The following NCAM2 variants were observed in gnomAD, a reference collection of about 807,000 sequenced individuals.
The protein encoded by NCAM2 is neural cell adhesion molecule 2.
A neutral mutation model predicts 98.1 loss-of-function variants in NCAM2; 30 were observed. The ratio of observed to expected loss-of-function variants is 0.31; its 90% CI spans 0.23 to 0.41. NCAM2 has a LOEUF of 0.41. Among genes scored for constraint, NCAM2 ranks in the 10% least tolerant of loss-of-function variants. The probability of loss-of-function intolerance (pLI) is 1.00; values close to 1 mark genes in which losing one functional copy is unlikely to be tolerated. For synonymous variants in NCAM2, 368 were observed against 342.4 expected (o/e 1.07, Z -0.83); for missense variants, 867 against 1,005.8 (o/e 0.86, Z 1.87).
At chr21:21,324,846 C>A (rs2074471119) in intron 6 of NCAM2, among the ~76,000 whole-genome samples, 2 of 151,992 alleles carry the variant, frequency 1.3e-5, no homozygotes, top group African/African-American at 4.8e-5. Context: ...GTGTTATTGA[C>A]ACCACTGTCA....
intron 15 of NCAM2, among the ~76,000 whole-genome samples, chr21:21,488,497 A>G (rs1986580278): frequency 6.6e-6 from 1 of 152,142 alleles, no homozygotes; most frequent in South Asian, 2.1e-4. Flanking sequence ...AATTTTAAAT[A>G]TTAATATGGT....
intron 1 of NCAM2, among the ~76,000 whole-genome samples, chr21:21,065,983 G>A (rs1485081116): frequency 6.6e-6 from 1 of 152,148 alleles, no homozygotes; most frequent in Non-Finnish European, 1.5e-5. Flanking sequence ...GGTATATGCA[G>A]AACAGATGCC....
intron 1 of NCAM2, among the ~76,000 whole-genome samples, chr21:21,183,747 A>T (rs1223930971): frequency 6.6e-6 from 1 of 152,140 alleles, no homozygotes; most frequent in African/African-American, 2.4e-5. Flanking sequence ...TGTTCTATGC[A>T]TTGTTATATT....
chr21:21,063,352 C>G (rs951997748), intron 1 of NCAM2, among the ~76,000 whole-genome samples: 1 of 149,702 alleles, frequency 6.7e-6, no homozygotes, highest in South Asian at 2.1e-4. Context: ...TCCTGAGTAG[C>G]TGGGTCTACA....
chr21:21,305,454 A>G (rs2218433), intron 5 of NCAM2, among the ~76,000 whole-genome samples: 124,201 of 152,110 alleles, frequency 0.82, 50,924 homozygotes, highest in East Asian at 0.99. Context: ...GTGAATAGAA[A>G]TGATACAATT....
chr21:21,240,973 A>G (rs1044849044), intron 1 of NCAM2, among the ~76,000 whole-genome samples: 2 of 152,158 alleles, frequency 1.3e-5, no homozygotes, highest in African/African-American at 2.4e-5. Context: ...TATTGTTAGC[A>G]GTATCATGTT....
intron 8 of NCAM2, among the ~76,000 whole-genome samples, chr21:21,343,806 T>C (rs1301737909): frequency 2.6e-5 from 4 of 152,094 alleles, no homozygotes; most frequent in Non-Finnish European, 4.4e-5. Context: ...TATGAAACTC[T>C]AGGCCATAAG....
chr21:21,261,319 G>A (rs1216006540), intron 1 of NCAM2, among the ~76,000 whole-genome samples: 1 of 152,112 alleles, frequency 6.6e-6, no homozygotes, highest in Non-Finnish European at 1.5e-5. Context: ...AAATCTGGAC[G>A]TAAATTGGAC....
chr21:21,103,901 C>T (rs997157657), intron 1 of NCAM2, among the ~76,000 whole-genome samples: 1 of 151,986 alleles, frequency 6.6e-6, no homozygotes, highest in African/African-American at 2.4e-5. Context: ...GAAAATGAAA[C>T]ATGTTAGTAC....
rs62207560 is a variant in NCAM2, at chr21:21,063,794, C to T, written c.55+65176C>T. Among the ~76,000 whole-genome samples the T allele has an allele frequency of 2.0e-5, 3 of 151,548 alleles. No individual in the cohort carries two copies. The South Asian group carries it at 6.2e-4, about 32-fold the overall frequency. ...TTATTTTATACTTGATTTTTTTTCTCTATGTGTATTAAGAGCTTATTGTTT... is the reference window on the plus strand; with the variant it reads ...TTATTTTATACTTGATTTTTTTTCTTTATGTGTATTAAGAGCTTATTGTTT... On this transcript the variant is annotated intron_variant, in intron 1 of 17. Transcript: ENST00000400546.
At chr21:21,531,171 T>C (rs1283653536) in intron 16 of NCAM2, among the ~76,000 whole-genome samples, 1 of 152,186 alleles carries the variant, frequency 6.6e-6, no homozygotes, top group Non-Finnish European at 1.5e-5. Flanking sequence ...ATGTGCCCTA[T>C]AATCATTTGA....
intron 1 of NCAM2, among the ~76,000 whole-genome samples, chr21:21,060,545 C>T (rs1009753735): frequency 2.0e-5 from 3 of 152,022 alleles, no homozygotes; most frequent in Non-Finnish European, 2.9e-5. Flanking sequence ...GTTTTCAAGA[C>T]ATATGGGAAC....
At chr21:21,434,224 A>G (rs1459104916) in intron 12 of NCAM2, among the ~76,000 whole-genome samples, 7 of 152,222 alleles carry the variant, frequency 4.6e-5, no homozygotes, top group Non-Finnish European at 8.8e-5. Context: ...CAGAGTCTAT[A>G]TAAGTACATA....
chr21:21,208,688 GA>G (rs1050139452), intron 1 of NCAM2, among the ~76,000 whole-genome samples: 7 of 148,786 alleles, frequency 4.7e-5, no homozygotes, highest in East Asian at 2.0e-4. Context: ...GAGACCTTAA[GA>G]AAAAAAAAAT....
At chr21:21,486,162 G>A (rs1986341861) in intron 15 of NCAM2, among the ~76,000 whole-genome samples, 1 of 151,862 alleles carries the variant, frequency 6.6e-6, no homozygotes, top group African/African-American at 2.4e-5. Flanking sequence ...AAATTAGCCG[G>A]GCGTGGTGGC....
intron 6 of NCAM2, among the ~76,000 whole-genome samples, chr21:21,334,878 T>A (rs1011847399): frequency 6.6e-6 from 1 of 152,052 alleles, no homozygotes; most frequent in African/African-American, 2.4e-5. Flanking sequence ...AAAATATTGA[T>A]AATTATTTGG....
chr21:21,026,556 C>G (rs9974288), intron 1 of NCAM2, among the ~76,000 whole-genome samples: 1 of 151,146 alleles, frequency 6.6e-6, no homozygotes, highest in East Asian at 2.0e-4. Context: ...ACTCAGGAGG[C>G]GGAGGTTGCA....
intron 6 of NCAM2, among the ~76,000 whole-genome samples, chr21:21,324,860 G>A (rs937704695): frequency 3.3e-5 from 5 of 151,946 alleles, no homozygotes; most frequent in Non-Finnish European, 7.4e-5. Flanking sequence ...ACTGTCATAT[G>A]TATACAATAT....
At chr21:21,429,998 G>C (rs2146016286) in intron 11 of NCAM2, among the ~76,000 whole-genome samples, 1 of 152,002 alleles carries the variant, frequency 6.6e-6, no homozygotes, top group South Asian at 2.1e-4. Context: ...GAGTACATTT[G>C]ACTTTTGACT....
Sources: allele counts gnomAD v4.1 joint callset (sites outside exome capture counted in the v4.1 genomes callset), GRCh38; gene constraint gnomAD v4.1.1; transcripts MANE v1.5; gene names NCBI Gene and HGNC (gene_info 2026-07-23, HGNC 2026-07-21).